Variants in ACADVL observed in about 807,000 individuals in gnomAD.
ACADVL encodes the protein very long-chain acyl-CoA dehydrogenase, mitochondrial.
ACADVL carries 73 observed loss-of-function variants against 80.4 expected under a neutral mutation model. The ratio of observed to expected loss-of-function variants is 0.91; its 90% CI spans 0.75 to 1.10. The LOEUF (loss-of-function observed/expected upper bound fraction) is 1.10, where lower values mean the gene tolerates loss of function less well. ACADVL is among the 50% of genes least tolerant of loss of function. The probability of loss-of-function intolerance (pLI) is 0.00; values close to 1 mark genes in which losing one functional copy is unlikely to be tolerated. For missense variants in ACADVL, 878 were observed against 858.9 expected, an observed-to-expected ratio of 1.02 and a Z score of -0.28; for synonymous variants, 392 against 326.5, an observed-to-expected ratio of 1.20 and a Z score of -2.16.
upstream of ACADVL, chr17:7,217,751 G>A: frequency 6.5e-7 from 1 of 1,535,350 alleles, no homozygotes; most frequent in South Asian, 1.2e-5. Context: ...AGAAGCAGAA[G>A]CACAGAGGCC....
chr17:7,224,912 T>G (rs1597540608), intron 19 of ACADVL, 28 bp downstream of exon 19: 1 of 1,613,876 alleles, frequency 6.2e-7, no homozygotes, highest in Admixed American at 1.7e-5. Flanking sequence ...CAAGCTCAGG[T>G]GAGGGCTGGA....
chr17:7,222,895 C>T, intron 10 of ACADVL, 30 bp downstream of exon 10: 2 of 1,606,588 alleles, frequency 1.2e-6, no homozygotes, highest in African/African-American at 1.3e-5. Flanking sequence ...CCCTAGGTAA[C>T]CCAAACAGAA....
intron 11 of ACADVL, 67 bp from the exon 12 acceptor site, chr17:7,223,577 T>A (rs1485797550): frequency 6.5e-7 from 1 of 1,550,322 alleles, no homozygotes; most frequent in African/African-American, 1.4e-5. Flanking sequence ...GAGATCTGGG[T>A]GATGAGGCCA....
chr17:7,220,430 C>T, intron 2 of ACADVL, 34 bp from the exon 3 acceptor site: 1 of 1,613,682 alleles, frequency 6.2e-7, no homozygotes, highest in Non-Finnish European at 8.5e-7. Context: ...GCGGAAGTCC[C>T]TTCCCTGAAC....
chr17:7,220,086 G>C, intron 1 of ACADVL, 36 bp from the exon 2 acceptor site: 1 of 1,595,418 alleles, frequency 6.3e-7, no homozygotes, highest in South Asian at 1.1e-5. Flanking sequence ...AGCGGCCCTG[G>C]GCACCGGGCC....
chr17:7,223,440 A>T (rs147356522), intron 11 of ACADVL: 2 of 805,302 alleles, frequency 2.5e-6, no homozygotes, highest in African/African-American at 1.7e-5. Flanking sequence ...CAGCAGTACC[A>T]GAAGTTAATT....
At position 7,223,620 on chromosome 17, in the gene ACADVL, C is replaced by T. The variant is rs776924632; in HGVS notation, c.1183-24C>T. The T allele has an allele frequency of 3.1e-6, 5 of 1,613,650 alleles. No homozygotes were observed. In the South Asian group the frequency reaches 5.5e-5, roughly 18 times the overall value. ...CAAAGCCCTTTGCAATTTTCCTTCC[C>T]ATGTCCCAACTATGCAACCTCAGTC... On this transcript the variant is annotated intron_variant, in intron 11 of 19. Transcript: ENST00000356839.
At chr17:7,221,090 G>T (rs1029938263) in intron 6 of ACADVL, 32 bp downstream of exon 6, 1 of 1,612,322 alleles carries the variant, frequency 6.2e-7, no homozygotes, top group Non-Finnish European at 8.5e-7. Flanking sequence ...ATCCCAGTAT[G>T]CCATACCCCA....
intron 2 of ACADVL, 67 bp downstream of exon 2, chr17:7,220,264 A>G (rs1353062246): frequency 6.6e-7 from 1 of 1,507,404 alleles, no homozygotes; most frequent in East Asian, 2.5e-5. Context: ...CGCCATCGGC[A>G]GGGATCTCCC....
rs563667819 is a variant in ACADVL, at chr17:7,224,377, G to A, written c.1589G>A (p.Ser530Asn). 2 of 1,613,874 alleles carry A rather than the reference G, an allele frequency of 1.2e-6. No individual in the cohort carries two copies. Among genetic ancestry groups the A allele is most frequent in the Admixed American group, 3.3e-5 (2 of 60,008 alleles). Reference sequence around the variant, plus strand: ...AGCGGACTTGTCCACCCGGAGTTGAGTCGGAGTGGCGAGCTGGTAAGTGGC... The same window carrying A: ...AGCGGACTTGTCCACCCGGAGTTGAATCGGAGTGGCGAGCTGGTAAGTGGC... The part of the protein sequence containing the change: ...SLSGLVHPEL[S>N]RSGELAVRAL... Residue 530 changes from serine (S) to asparagine (N), a missense_variant, in exon 16 of 20, where the codon AGT (serine) becomes AAT (asparagine). Transcript: ENST00000356839.
In ACADVL at chr17:7,220,140, C is replaced by A; in HGVS notation, c.81C>A (p.Leu27=). The change falls in exon 2 of 20, where the codon CTC becomes CTA. Residue 27 remains leucine, a synonymous_variant. Transcript: ENST00000356839. ...LGGGSSRLTA[L]LGQPRPGPAR... ...CCCACAGCTCGCGGCTCACGGCGCT[C>A]CTGGGGCAGCCCCGGCCCGGCCCTG... 6.4e-7 allele frequency: 1 copy of A among 1,555,010 alleles called. No individual in the cohort carries two copies. Among genetic ancestry groups the A allele is most frequent in the Non-Finnish European group, 8.6e-7 (1 of 1,157,598 alleles).
Position 7,220,467 on chromosome 17 carries a change from G to T in ACADVL, c.142G>T (p.Ala48Ser), listed in dbSNP as rs769865745. 2 of 1,614,214 alleles carry T rather than the reference G, an allele frequency of 1.2e-6. No individual in the cohort carries two copies. The highest frequency in any genetic ancestry group is 1.7e-6 in the Non-Finnish European group (2 of 1,180,048). Residue 48 changes from alanine to serine, a missense_variant, in exon 3 of 20, where the codon GCT (alanine) becomes TCT (serine). By Grantham distance (99) the Ala-to-Ser change is moderately conservative. Transcript: ENST00000356839. ...TGCTAACCGTCTCTTTTCCCAGCTG[G>T]CTCTGGACAAGTCAGATTCCCACCC... ...RPYAGGAAQL[A>S]LDKSDSHPSD...
At position 7,222,741 on chromosome 17, in the gene ACADVL, C is replaced by T. The variant is rs201676770; in HGVS notation, c.953C>T (p.Pro318Leu). 1 of 1,614,122 alleles carries T rather than the reference C, an allele frequency of 6.2e-7. No homozygotes were observed. The highest frequency in any genetic ancestry group is 1.7e-5 in the Admixed American group (1 of 60,020). ...GTGTTCTTTGATGGAGTACGGGTGC[C>T]ATCGGAGAACGTGCTGGGTGAGGTT... is the stretch of plus-strand genomic sequence containing the variant. ...AEVFFDGVRV[P>L]SENVLGEVGS... Residue 318 changes from proline (P) to leucine (L), a missense_variant, in exon 10 of 20, where the codon CCA becomes CTA. Pro to Leu is a moderately conservative substitution (Grantham distance 98). Transcript: ENST00000356839.
In ACADVL at chr17:7,223,151, C is replaced by T. The variant is rs771874163; in HGVS notation, c.1096C>T (p.Arg366Cys). Residue 366 changes from arginine (R) to cysteine (C), a missense_variant, in exon 11 of 20, where the codon CGT (arginine) becomes TGT (cysteine). Arg to Cys is a radical substitution (Grantham distance 180). Transcript: ENST00000356839. ...IAKAVDHATN[R>C]TQFGEKIHNF... ...CTTCCAGGTAGATCATGCCACTAATCGTACCCAGTTTGGGGAGAAAATTCA... is the reference window on the plus strand; with the variant it reads ...CTTCCAGGTAGATCATGCCACTAATTGTACCCAGTTTGGGGAGAAAATTCA... 23 of 1,613,734 alleles carry T rather than the reference C, an allele frequency of 1.4e-5. No homozygotes were observed. The highest frequency in any genetic ancestry group is 6.7e-5 in the African/African-American group (5 of 74,932).
At position 7,221,206 on chromosome 17, in the gene ACADVL, A is replaced by G. The variant is rs1054343773; in HGVS notation, c.477+148A>G. Reference sequence around the variant, plus strand: ...TGGGATGGATGTTAACTGTCCAAACATAACACAATTTACATGCAGTCCCCT... The same window carrying G: ...TGGGATGGATGTTAACTGTCCAAACGTAACACAATTTACATGCAGTCCCCT... On this transcript the variant is annotated intron_variant, in intron 6 of 19. Coordinates refer to ENST00000356839, the MANE Select transcript of ACADVL (RefSeq NM_000018.4). The G allele has an allele frequency of 4.3e-5, 58 of 1,361,212 alleles. No homozygotes were observed. In the African/African-American group the frequency reaches 7.5e-4, roughly 18 times the overall value. The allele number at this position is 1,361,212 out of a possible 1,614,324, so 84.3% of individuals were successfully genotyped here. A position where few individuals can be genotyped will look rare whatever the true frequency, so the allele number is the denominator to read the frequency against.
chr17:7,223,761 C>T, intron 12 of ACADVL, 31 bp downstream of exon 12: 1 of 1,614,072 alleles, frequency 6.2e-7, no homozygotes, highest in Non-Finnish European at 8.5e-7. Flanking sequence ...GGAGGGAGTC[C>T]AGTTTGGGTG....
At chr17:7,218,352 C>T (rs886510900), upstream of ACADVL, 39 of 1,524,126 alleles carry the variant, frequency 2.6e-5, no homozygotes, top group African/African-American at 5.5e-5. Flanking sequence ...CTGTCATCAC[C>T]GCTGCTGGCT....
chr17:7,218,216 T>C, upstream of ACADVL: 2 of 1,600,010 alleles, frequency 1.2e-6, no homozygotes, highest in East Asian at 4.5e-5. Flanking sequence ...CTCAGGAAGT[T>C]AGGCGCTCGC....
In ACADVL at chr17:7,225,023, C is replaced by T. The variant is rs151254520; in HGVS notation, c.1894C>T (p.Arg632Cys). The change falls in exon 20 of 20, where the codon CGC (arginine) becomes TGC (cysteine). Residue 632 changes from arginine (R) to cysteine (C), a missense_variant. Arg to Cys is a radical substitution (Grantham distance 180, BLOSUM62 -3). Transcript: ENST00000356839. ...TGACCCCTGGCAGCAAGAGCTCTAC[C>T]GCAACTTCAAAAGCATCTCCAAGGC... ...QSDPWQQELY[R>C]NFKSISKALV... 2.7e-4 allele frequency: 436 copies of T among 1,613,998 alleles called. 2 individuals carry two copies. Among genetic ancestry groups the T allele is most frequent in the Non-Finnish European group, 3.4e-4 (399 of 1,180,028 alleles).
Sources: allele counts gnomAD v4.1 joint callset, GRCh38; gene constraint gnomAD v4.1.1; transcripts MANE v1.5; gene names NCBI Gene and HGNC (gene_info 2026-07-23, HGNC 2026-07-21).